GLRA3: variants seen among roughly 807,000 people sequenced by gnomAD.
GLRA3 encodes glycine receptor subunit alpha-3.
Under a neutral mutation model 60.4 loss-of-function variants are expected in GLRA3, and 44 were observed. The observed-to-expected ratio is 0.73, with a 90% CI of 0.57 to 0.94. GLRA3 has a LOEUF of 0.94. Ranked by LOEUF, GLRA3 falls within the 40% of genes least tolerant of loss-of-function variation. The pLI is 0.00. For synonymous variants in GLRA3, 223 were observed against 192.9 expected (o/e 1.16, Z -1.29); for missense variants, 508 against 564.6 (o/e 0.90, Z 1.02).
At chr4:174,802,089 T>C (rs1188716636) in intron 1 of GLRA3, among the ~76,000 whole-genome samples, 1 of 152,004 alleles carries the variant, frequency 6.6e-6, no homozygotes, top group Non-Finnish European at 1.5e-5. Flanking sequence ...GCCTCAGAAT[T>C]TGATCCTCCA....
intron 7 of GLRA3, among the ~76,000 whole-genome samples, chr4:174,659,487 T>G (rs1172666435): frequency 6.6e-6 from 1 of 152,206 alleles, no homozygotes; most frequent in Non-Finnish European, 1.5e-5. Flanking sequence ...TTGAAAAGTA[T>G]GAACATTGAA....
intron 2 of GLRA3, among the ~76,000 whole-genome samples, chr4:174,777,884 G>C (rs1378189363): frequency 1.3e-5 from 2 of 152,056 alleles, no homozygotes; most frequent in African/African-American, 4.8e-5. Flanking sequence ...ATTTAAAAAA[G>C]TCAGAAAAAC....
intron 5 of GLRA3, among the ~76,000 whole-genome samples, chr4:174,710,387 C>G (rs1347415767): frequency 1.3e-5 from 2 of 152,092 alleles, no homozygotes; most frequent in Non-Finnish European, 2.9e-5. Flanking sequence ...TCTACTTTTT[C>G]CATGAATCAC....
chr4:174,733,185 T>A (rs1042003088), intron 3 of GLRA3, among the ~76,000 whole-genome samples: 1 of 152,136 alleles, frequency 6.6e-6, no homozygotes, highest in African/African-American at 2.4e-5. Flanking sequence ...CCAAAGAATG[T>A]GGGCAGCCTC....
intron 7 of GLRA3, among the ~76,000 whole-genome samples, chr4:174,661,547 C>T (rs1279072132): frequency 6.6e-6 from 1 of 152,182 alleles, no homozygotes; most frequent in Non-Finnish European, 1.5e-5. Context: ...TGCATTTGGC[C>T]TTCCTGTTGG....
rs1336151055 is a variant in GLRA3 at position 174,763,004 on chromosome 4, C to T, written c.267+3959G>A. Reference sequence around the variant, plus strand: ...TTCATACAAACGGAAGTAATTGGTACATGTTCTATTGTGTTTGTTTTCTTT... The same window carrying T: ...TTCATACAAACGGAAGTAATTGGTATATGTTCTATTGTGTTTGTTTTCTTT... On this transcript the variant is annotated intron_variant, in intron 3 of 9. Coordinates refer to ENST00000274093, the MANE Select transcript of GLRA3 (RefSeq NM_006529.4). Among the ~76,000 whole-genome samples, 6 of 152,072 alleles carry T rather than the reference C, an allele frequency of 3.9e-5. 1 individual carries two copies. In the East Asian group the frequency reaches 1.2e-3, roughly 29 times the overall value.
At chr4:174,772,200 C>T (rs1219148528) in intron 2 of GLRA3, among the ~76,000 whole-genome samples, 1 of 152,158 alleles carries the variant, frequency 6.6e-6, no homozygotes, top group East Asian at 1.9e-4. Flanking sequence ...CTAATTTAGG[C>T]TTTCACTAAT....
intron 9 of GLRA3, among the ~76,000 whole-genome samples, chr4:174,649,002 G>T (rs547913683): frequency 1.3e-5 from 2 of 152,070 alleles, no homozygotes; most frequent in Non-Finnish European, 2.9e-5. Flanking sequence ...TAAATCCCAC[G>T]GTGCCAATGG....
intron 7 of GLRA3, among the ~76,000 whole-genome samples, chr4:174,662,112 C>T (rs575259384): frequency 6.6e-6 from 1 of 152,126 alleles, no homozygotes; most frequent in Non-Finnish European, 1.5e-5. Flanking sequence ...TATACATGTG[C>T]ATATATTCCA....
Position 174,703,516 on chromosome 4 carries a change from C to T in GLRA3, c.574+11972G>A, listed in dbSNP as rs535718474. ...CTGTTTTCTAGTTTGGCTGGCTTCC[C>T]TCTTGATCCTCACTACATATAATTC... On this transcript the variant is annotated intron_variant, in intron 5 of 9. Coordinates refer to ENST00000274093, the MANE Select transcript of GLRA3 (RefSeq NM_006529.4). 9.2e-5 allele frequency among the ~76,000 whole-genome samples: 14 copies of T among 152,238 alleles called. No homozygotes were observed. In the South Asian group the frequency reaches 1.5e-3, roughly 16 times the overall value.
At chr4:174,665,153 TA>T (rs1733611756) in intron 7 of GLRA3, among the ~76,000 whole-genome samples, 1 of 152,096 alleles carries the variant, frequency 6.6e-6, no homozygotes. Flanking sequence ...GCTTATTATG[TA>T]GTAGCTATAT....
intron 4 of GLRA3, among the ~76,000 whole-genome samples, chr4:174,726,857 G>T (rs545719858): frequency 6.7e-6 from 1 of 150,340 alleles, no homozygotes; most frequent in East Asian, 2.0e-4. Context: ...GGGGTTGGGG[G>T]AGGGGTGGAC....
intron 3 of GLRA3, among the ~76,000 whole-genome samples, chr4:174,748,150 G>A (rs915151284): frequency 6.6e-6 from 1 of 152,104 alleles, no homozygotes. Flanking sequence ...ATAGAAAGAA[G>A]ATAATAGTGC....
At chr4:174,809,929 AC>A (rs1304547307) in intron 1 of GLRA3, among the ~76,000 whole-genome samples, 1 of 152,104 alleles carries the variant, frequency 6.6e-6, no homozygotes, top group Non-Finnish European at 1.5e-5. Context: ...AGAAATTAAG[AC>A]TTTTATAGAA....
intron 5 of GLRA3, among the ~76,000 whole-genome samples, chr4:174,699,656 A>G (rs1481787695): frequency 1.3e-5 from 2 of 152,132 alleles, no homozygotes; most frequent in Non-Finnish European, 2.9e-5. Flanking sequence ...AGGATCACTT[A>G]AGAAGTATTT....
At chr4:174,727,153 G>A (rs1363467140) in intron 4 of GLRA3, among the ~76,000 whole-genome samples, 1 of 152,178 alleles carries the variant, frequency 6.6e-6, no homozygotes, top group African/African-American at 2.4e-5. Context: ...CTAGGTAAAT[G>A]TGAAAAGCAG....
At chr4:174,669,999 A>G (rs1201158056) in intron 7 of GLRA3, among the ~76,000 whole-genome samples, 1 of 152,242 alleles carries the variant, frequency 6.6e-6, no homozygotes, top group Non-Finnish European at 1.5e-5. Flanking sequence ...CAAAAAGACT[A>G]AAGAATTTTG....
intron 1 of GLRA3, among the ~76,000 whole-genome samples, chr4:174,823,503 C>G (rs1273293664): frequency 6.6e-6 from 1 of 151,564 alleles, no homozygotes; most frequent in African/African-American, 2.4e-5. Flanking sequence ...CCAGCCTGGG[C>G]AACAGAGCGA....
rs1735475746 is a variant in GLRA3, at chr4:174,705,466, C to A, written c.574+10022G>T. Among the ~76,000 whole-genome samples the A allele has an allele frequency of 3.5e-5, 5 of 144,318 alleles. No homozygotes were observed. The South Asian group carries it at 8.9e-4, about 26-fold the overall frequency. The allele number at this position is 144,318 out of a possible 152,430, so 94.7% of individuals were successfully genotyped here. On this transcript the variant is annotated intron_variant, in intron 5 of 9. Coordinates refer to ENST00000274093, the MANE Select transcript of GLRA3 (RefSeq NM_006529.4). ...AATTAAAAAATAAAAGAAGAAAAGA[C>A]TGATGAATTTCTGGGGGAGGAAATA...
Sources: gnomAD v4.1 joint callset for allele counts (sites outside exome capture counted in the v4.1 genomes callset) on GRCh38, gnomAD v4.1.1 for gene constraint, MANE v1.5 for transcripts, NCBI Gene and HGNC (gene_info 2026-07-23, HGNC 2026-07-21) for gene names.